The following PRLR variants were observed in gnomAD, a reference collection of about 807,000 sequenced individuals.
PRLR encodes the protein hPRL receptor.
Under a neutral mutation model 40.2 loss-of-function variants are expected in PRLR, and 13 were observed. The observed-to-expected ratio is 0.32, with a 90% CI of 0.21 to 0.51. The LOEUF (loss-of-function observed/expected upper bound fraction) is 0.51. Ranked by LOEUF, PRLR falls within the 20% of genes least tolerant of loss-of-function variation. PRLR has a pLI of 0.97. For missense variants in PRLR, 656 were observed against 747.3 expected, an observed-to-expected ratio of 0.88 and a Z score of 1.42; for synonymous variants, 269 against 278.7, an observed-to-expected ratio of 0.97 and a Z score of 0.35.
intron 9 of PRLR, among the ~76,000 whole-genome samples, 168 bp from the exon 10 acceptor site, chr5:35,066,270 A>T (rs1184276107): frequency 6.6e-6 from 1 of 152,006 alleles, no homozygotes; most frequent in Non-Finnish European, 1.5e-5. Flanking sequence ...ACTATTCAGC[A>T]GATTTTTTTT....
chr5:35,124,002 G>T (rs1773377068), intron 1 of PRLR, among the ~76,000 whole-genome samples: 1 of 152,176 alleles, frequency 6.6e-6, no homozygotes, highest in South Asian at 2.1e-4. Flanking sequence ...AAAAGGGAAA[G>T]ATATAGATGA....
chr5:35,167,533 A>C (rs948495088), intron 1 of PRLR, among the ~76,000 whole-genome samples: 1 of 152,118 alleles, frequency 6.6e-6, no homozygotes, highest in East Asian at 1.9e-4. Context: ...GGAGGTGTTC[A>C]TGGAAGTATG....
In PRLR at chr5:35,221,137, A is replaced by G. The variant is rs1604426; in HGVS notation, c.-106+9131T>C. 6.5e-3 allele frequency among the ~76,000 whole-genome samples: 995 copies of G among 152,322 alleles called. 10 individuals are homozygous for G. The highest frequency in any genetic ancestry group is 0.022 in the African/African-American group (935 of 41,562). ...TTTCTTGGCTAATTTACCTTGGTAAAGCCTACCCAATGACAGTCCCTGGAG... is the reference window on the plus strand; with the variant it reads ...TTTCTTGGCTAATTTACCTTGGTAAGGCCTACCCAATGACAGTCCCTGGAG... On this transcript the variant is annotated intron_variant, in intron 1 of 9. Coordinates refer to ENST00000618457, the MANE Select transcript of PRLR (RefSeq NM_000949.7).
chr5:35,127,423 T>G (rs756285821), intron 1 of PRLR, among the ~76,000 whole-genome samples: 2 of 152,228 alleles, frequency 1.3e-5, no homozygotes, highest in Non-Finnish European at 2.9e-5. Context: ...TACATCATCC[T>G]GCAAACCCCA....
intron 1 of PRLR, among the ~76,000 whole-genome samples, chr5:35,174,036 A>G (rs1775074100): frequency 6.6e-6 from 1 of 150,380 alleles, no homozygotes; most frequent in Admixed American, 6.6e-5. Context: ...CCTGTGTCCA[A>G]GTGTTCTCAT....
At chr5:35,134,536 C>T (rs1204075911) in intron 1 of PRLR, among the ~76,000 whole-genome samples, 2 of 152,218 alleles carry the variant, frequency 1.3e-5, no homozygotes, top group Non-Finnish European at 2.9e-5. Flanking sequence ...TGGATAAAAA[C>T]ATTGCTTGAC....
rs1199070621 is a variant in PRLR, at chr5:35,057,989, T to C, written c.*7100A>G. ...CTTATAGTTAGGAAAAAATCTGCAC[T>C]CTATGGTTTTGTTGGTTTTTCATAT... On this transcript the variant is annotated 3_prime_UTR_variant, in exon 10 of 10. Transcript: ENST00000618457. The C allele has an allele frequency of 2.6e-5, 4 of 152,150 alleles. No individual in the cohort carries two copies. The highest frequency in any genetic ancestry group is 7.2e-5 in the African/African-American group (3 of 41,454). 9.4% of individuals were successfully genotyped at this position (152,150 alleles called of 1,614,324 possible).
At chr5:35,070,467 A>C (rs1358642214) in intron 6 of PRLR, among the ~76,000 whole-genome samples, 2 of 152,186 alleles carry the variant, frequency 1.3e-5, no homozygotes, top group Non-Finnish European at 2.9e-5. Context: ...CTATCTCTCC[A>C]TTTGGGACTC....
At chr5:35,131,988 T>C (rs1349724644) in intron 1 of PRLR, among the ~76,000 whole-genome samples, 1 of 152,190 alleles carries the variant, frequency 6.6e-6, no homozygotes, top group Non-Finnish European at 1.5e-5. Context: ...AGGATACTTA[T>C]ACCTTTGGCA....
intron 1 of PRLR, among the ~76,000 whole-genome samples, chr5:35,130,973 A>T (rs892641848): frequency 6.6e-6 from 1 of 152,204 alleles, no homozygotes; most frequent in South Asian, 2.1e-4. Context: ...GGAGGACTCC[A>T]CCCAGCATCT....
rs191605126 is a variant in PRLR, at chr5:35,075,495, T to C, written c.374-2751A>G. Among the ~76,000 whole-genome samples, 69 of 151,768 alleles carry C rather than the reference T, an allele frequency of 4.5e-4. No homozygotes were observed. The Middle Eastern group carries it at 0.01, about 23-fold the overall frequency. On this transcript the variant is annotated intron_variant, in intron 5 of 9. Transcript: ENST00000618457. The stretch of plus-strand genomic sequence containing the variant: ...GGTGGCAGTGAGGCTGGGGGAGGGG[T>C]GTCTGCCATTCCTGAGGCTTGAGAT...
rs1322289140 is a variant in PRLR, at chr5:35,062,217, T to C, written c.*2872A>G. 6.6e-6 allele frequency: 1 copy of C among 152,202 alleles called. No homozygotes were observed. Among genetic ancestry groups the C allele is most frequent in the East Asian group, 1.9e-4 (1 of 5,194 alleles). 9.4% of individuals were successfully genotyped at this position (152,202 alleles called of 1,614,324 possible). A position where few individuals can be genotyped will look rare whatever the true frequency, so the allele number is the denominator to read the frequency against. ...GGATAGAAGGCATTGGTTGGGATTA[T>C]CTTTGCAGAAAAATATTCAGTGAGT... On this transcript the variant is annotated 3_prime_UTR_variant, in exon 10 of 10. Transcript: ENST00000618457.
intron 1 of PRLR, among the ~76,000 whole-genome samples, chr5:35,186,360 C>T (rs1005065686): frequency 6.6e-6 from 1 of 152,192 alleles, no homozygotes; most frequent in Non-Finnish European, 1.5e-5. Flanking sequence ...CACATTCCCT[C>T]TCCTCGAGGT....
At chr5:35,128,756 C>T (rs60084291) in intron 1 of PRLR, among the ~76,000 whole-genome samples, 9 of 152,320 alleles carry the variant, frequency 5.9e-5, no homozygotes, top group African/African-American at 2.2e-4. Context: ...GAAGGCATTT[C>T]ATTCACCTCC....
intron 9 of PRLR, among the ~76,000 whole-genome samples, chr5:35,067,553 A>G (rs143113983): frequency 7.2e-5 from 11 of 152,354 alleles, no homozygotes; most frequent in Admixed American, 7.2e-4. Context: ...TGGGTCAAGT[A>G]TTTGCCTTAA....
chr5:35,184,910 A>C (rs1343673318), intron 1 of PRLR, among the ~76,000 whole-genome samples: 1 of 152,262 alleles, frequency 6.6e-6, no homozygotes, highest in Non-Finnish European at 1.5e-5. Context: ...ATGCTCAACA[A>C]ATATAGGTGT....
At chr5:35,155,824 C>A (rs2111883342) in intron 1 of PRLR, among the ~76,000 whole-genome samples, 1 of 152,276 alleles carries the variant, frequency 6.6e-6, no homozygotes, top group East Asian at 1.9e-4. Context: ...GTACTTCTAA[C>A]TCATTAATAA....
chr5:35,142,605 CCTT>C (rs1774057429), intron 1 of PRLR, among the ~76,000 whole-genome samples: 2 of 152,332 alleles, frequency 1.3e-5, no homozygotes, highest in East Asian at 3.9e-4. Flanking sequence ...TACTTGGAAA[CCTT>C]CTTCATATTC....
chr5:35,060,919 G>T lies in PRLR; in HGVS notation c.*4170C>A, dbSNP rs1319538898. 6.6e-6 allele frequency: 1 copy of T among 152,158 alleles called. No homozygotes were observed. Among genetic ancestry groups the T allele is most frequent in the African/African-American group, 2.4e-5 (1 of 41,436 alleles). 9.4% of individuals were successfully genotyped at this position (152,158 alleles called of 1,614,324 possible). A position where few individuals can be genotyped will look rare whatever the true frequency, so the allele number is the denominator to read the frequency against. On this transcript the variant is annotated 3_prime_UTR_variant, in exon 10 of 10. Coordinates refer to ENST00000618457, the MANE Select transcript of PRLR (RefSeq NM_000949.7). ...GGTATGGAGAGTCTCAAATCACAGG[G>T]TGGCAGGTTTATCCCCAAATCACAG...
Sources: allele counts gnomAD v4.1 joint callset (sites outside exome capture counted in the v4.1 genomes callset), GRCh38; gene constraint gnomAD v4.1.1; transcripts MANE v1.5; gene names NCBI Gene and HGNC (gene_info 2026-07-23, HGNC 2026-07-21).